KIF18A: variants seen among roughly 807,000 people sequenced by gnomAD.
The protein encoded by KIF18A is kinesin family member 18A.
In KIF18A, 67 loss-of-function variants were observed where a neutral mutation model predicts 103.3. The ratio of observed to expected loss-of-function variants is 0.65; its 90% CI spans 0.53 to 0.79. KIF18A has a LOEUF of 0.79. KIF18A is among the 30% of genes least tolerant of loss of function. The pLI, the probability that KIF18A is intolerant of heterozygous loss-of-function variation, is 0.00. For missense variants in KIF18A, 1,032 were observed against 1,062.5 expected (o/e 0.97, Z 0.40); for synonymous variants, 367 against 355.5 (o/e 1.03, Z -0.36).
At chr11:28,037,672 C>T (rs1045769324) in intron 13 of KIF18A, among the ~76,000 whole-genome samples, 1 of 151,474 alleles carries the variant, frequency 6.6e-6, no homozygotes, top group Non-Finnish European at 1.5e-5. Flanking sequence ...TTTGTAAAAA[C>T]AAGATTTAAT....
At chr11:28,058,796 A>G (rs2133525994) in intron 13 of KIF18A, 130 bp downstream of exon 13, 2 of 681,036 alleles carry the variant, frequency 2.9e-6, no homozygotes, top group East Asian at 5.4e-5. Context: ...AAATGACTAT[A>G]AAGCTAATTT....
Position 28,029,379 on chromosome 11 carries a change from G to A in KIF18A, c.2505-5529C>T, listed in dbSNP as rs546534841. On this transcript the variant is annotated intron_variant, in intron 15 of 16. Transcript: ENST00000263181. Reference sequence around the variant, plus strand: ...GGGATGCAAGGCTGGTTCAATATACGCAAATCAATAAATGTAATCCAGCAT... The same window carrying A: ...GGGATGCAAGGCTGGTTCAATATACACAAATCAATAAATGTAATCCAGCAT... Among the ~76,000 whole-genome samples the A allele has an allele frequency of 6.6e-5, 10 of 152,046 alleles. No homozygotes were observed. In the South Asian group the frequency reaches 1.5e-3, roughly 22 times the overall value.
chr11:28,087,690 T>C (rs897626220), intron 6 of KIF18A, among the ~76,000 whole-genome samples: 15 of 152,172 alleles, frequency 9.9e-5, no homozygotes, highest in African/African-American at 3.4e-4. Context: ...TTCAACTAAT[T>C]TACACTCCCA....
At chr11:28,095,135 T>C (rs563342145) in intron 2 of KIF18A, among the ~76,000 whole-genome samples, 18 of 152,348 alleles carry the variant, frequency 1.2e-4, no homozygotes, top group African/African-American at 4.1e-4. Context: ...AAAAAGAAAT[T>C]GGAATACGTT....
At chr11:28,031,232 C>T (rs972458131) in intron 15 of KIF18A, among the ~76,000 whole-genome samples, 15 of 152,090 alleles carry the variant, frequency 9.9e-5, no homozygotes, top group African/African-American at 3.4e-4. Flanking sequence ...CACATGCACA[C>T]GTATGTTTAT....
intron 6 of KIF18A, among the ~76,000 whole-genome samples, chr11:28,085,930 T>C (rs1851222782): frequency 6.6e-6 from 1 of 152,180 alleles, no homozygotes; most frequent in Non-Finnish European, 1.5e-5. Flanking sequence ...CAAAGAATCT[T>C]ACAGGATTAT....
At chr11:28,091,826 CT>C (rs1057200971) in intron 3 of KIF18A, among the ~76,000 whole-genome samples, 1 of 151,484 alleles carries the variant, frequency 6.6e-6, no homozygotes, top group Non-Finnish European at 1.5e-5. Flanking sequence ...TTCTTCTTTT[CT>C]TTTTTTTTGA....
chr11:28,048,492 CTATA>C (rs781533258), intron 13 of KIF18A, among the ~76,000 whole-genome samples: 5 of 151,424 alleles, frequency 3.3e-5, no homozygotes, highest in African/African-American at 1.2e-4. Context: ...TGGTTATCAA[CTATA>C]TATATATAAT....
chr11:28,054,213 T>G (rs1276581016), intron 13 of KIF18A, among the ~76,000 whole-genome samples: 1 of 142,666 alleles, frequency 7.0e-6, no homozygotes, highest in South Asian at 2.2e-4. Flanking sequence ...TCTCATCAGA[T>G]TTTTTTTTTT....
intron 13 of KIF18A, among the ~76,000 whole-genome samples, chr11:28,054,313 T>C (rs146951287): frequency 1.3e-5 from 2 of 151,860 alleles, no homozygotes; most frequent in East Asian, 3.9e-4. Context: ...CAAGCTGAAG[T>C]GTTCCTCCCA....
chr11:28,062,542 T>C (rs1354398808), intron 11 of KIF18A, 26 bp from the exon 12 acceptor site: 5 of 1,584,638 alleles, frequency 3.2e-6, no homozygotes, highest in Non-Finnish European at 4.3e-6. Flanking sequence ...CAAAATGTAC[T>C]TCAGATCACT....
At chr11:28,053,819 T>C (rs1021250300) in intron 13 of KIF18A, among the ~76,000 whole-genome samples, 1 of 152,082 alleles carries the variant, frequency 6.6e-6, no homozygotes, top group African/African-American at 2.4e-5. Context: ...AGTTAGGTGT[T>C]GGGCACATGG....
chr11:28,058,662 C>CAAAAAAAAA (rs58273868), intron 13 of KIF18A, among the ~76,000 whole-genome samples: 1 of 64,450 alleles, frequency 1.6e-5, no homozygotes, highest in Non-Finnish European at 2.7e-5. Flanking sequence ...ACCCTGTCAC[C>CAAAAAAAAA]AAAAAAAAAA....
At chr11:28,076,071 T>C (rs2133545884) in intron 10 of KIF18A, among the ~76,000 whole-genome samples, 1 of 152,152 alleles carries the variant, frequency 6.6e-6, no homozygotes, top group South Asian at 2.1e-4. Context: ...CCACTGAAAT[T>C]TCAGGCTTTA....
chr11:28,069,273 C>T lies in KIF18A; in HGVS notation c.1576G>A (p.Gly526Ser), dbSNP rs1234109074. 7 of 1,612,532 alleles carry T rather than the reference C, an allele frequency of 4.3e-6. No individual in the cohort carries two copies. The highest frequency in any genetic ancestry group is 4.2e-6 in the Non-Finnish European group (5 of 1,178,890). Residue 526 changes from glycine to serine, a missense_variant, in exon 11 of 17, where the codon GGT (glycine) becomes AGT (serine). Transcript: ENST00000263181. ...GATATTTGTACCTTTGGAATATGAC[C>T]GTTTTGACTTAAGAGTCCCATTTCT... Reference protein sequence around the residue: ...EKEMGLLSQNGHIPKELKKDL... With the variant: ...EKEMGLLSQNSHIPKELKKDL...
At chr11:28,074,406 T>C (rs1160569072) in intron 10 of KIF18A, among the ~76,000 whole-genome samples, 1 of 152,110 alleles carries the variant, frequency 6.6e-6, no homozygotes, top group Admixed American at 6.6e-5. Context: ...CAGCAAGATA[T>C]AAATTCGAAG....
chr11:28,054,481 A>T (rs776632125), intron 13 of KIF18A, among the ~76,000 whole-genome samples: 1 of 152,190 alleles, frequency 6.6e-6, no homozygotes, highest in Non-Finnish European at 1.5e-5. Context: ...AAATACTGGG[A>T]TTGCAGGCGT....
intron 11 of KIF18A, among the ~76,000 whole-genome samples, chr11:28,066,782 A>AATTATATTATATTATATTAT (rs11273276): frequency 7.0e-6 from 1 of 142,450 alleles, no homozygotes; most frequent in African/African-American, 2.6e-5. Flanking sequence ...CTGGAAGAGA[A>AATTATATTATATTATATTAT]ATTATATTAT....
At chr11:28,094,165 TAAC>T (rs1210292340) in intron 3 of KIF18A, among the ~76,000 whole-genome samples, 2 of 152,122 alleles carry the variant, frequency 1.3e-5, no homozygotes, top group East Asian at 3.9e-4. Context: ...GACTAAGATA[TAAC>T]AACTGAATAC....
Sources: allele counts gnomAD v4.1 joint callset (sites outside exome capture counted in the v4.1 genomes callset), GRCh38; gene constraint gnomAD v4.1.1; transcripts MANE v1.5; gene names NCBI Gene and HGNC (gene_info 2026-07-23, HGNC 2026-07-21).